Variants in ADGRB1 observed in about 807,000 individuals in gnomAD.
The protein encoded by ADGRB1 is adhesion G protein-coupled receptor B1.
A neutral mutation model predicts 175.7 loss-of-function variants in ADGRB1; 36 were observed. The observed-to-expected ratio is 0.20, with a 90% CI of 0.16 to 0.27. The LOEUF (loss-of-function observed/expected upper bound fraction) is 0.27. Ranked by LOEUF, ADGRB1 falls within the 10% of genes least tolerant of loss-of-function variation. The probability of loss-of-function intolerance (pLI) is 1.00; values close to 1 mark genes in which losing one functional copy is unlikely to be tolerated. For missense variants in ADGRB1, 1,731 were observed against 2,255.3 expected, an observed-to-expected ratio of 0.77 and a Z score of 4.71; for synonymous variants, 1,054 against 979.4, an observed-to-expected ratio of 1.08 and a Z score of -1.42.
At position 142,511,885 on chromosome 8, in the gene ADGRB1, G is replaced by A. The variant is rs969688356; in HGVS notation, c.2817+812G>A. ...ACCAAGTAACCTCCGCCCAGACCTC[G>A]TGTGGAAGCCTGGGAGGCAGCAGGG... On this transcript the variant is annotated intron_variant, in intron 18 of 30. Coordinates refer to ENST00000517894, the MANE Select transcript of ADGRB1 (RefSeq NM_001702.3). The surrounding 1 kb of genome is among the most constrained non-coding windows in gnomAD (Gnocchi z 4.5). Among the ~76,000 whole-genome samples, 2 of 152,362 alleles carry A rather than the reference G, an allele frequency of 1.3e-5. No homozygotes were observed. The highest frequency in any genetic ancestry group is 1.3e-4 in the Admixed American group (2 of 15,312).
chr8:142,475,888 C>G (rs925291101), intron 3 of ADGRB1, among the ~76,000 whole-genome samples: 17 of 11,092 alleles, frequency 1.5e-3, no homozygotes, highest in Non-Finnish European at 4.0e-3. Context: ...AGAAGCAGGA[C>G]CTAAACTCGG....
At chr8:142,516,687 C>T (rs539031770) in intron 18 of ADGRB1, among the ~76,000 whole-genome samples, 13 of 111,704 alleles carry the variant, frequency 1.2e-4, no homozygotes, top group South Asian at 9.4e-4. Context: ...TGCCTGTGTG[C>T]GGGCCCCAGG....
intron 1 of ADGRB1, among the ~76,000 whole-genome samples, chr8:142,457,918 G>A (rs181766911): frequency 1.3e-5 from 2 of 152,320 alleles, no homozygotes; most frequent in Non-Finnish European, 2.9e-5. Flanking sequence ...GCTTGAATGG[G>A]GGCCGTGGGC....
At position 142,511,733 on chromosome 8, in the gene ADGRB1, G is replaced by A. The variant is rs1843116925; in HGVS notation, c.2817+660G>A. Among the ~76,000 whole-genome samples the A allele has an allele frequency of 6.6e-6, 1 of 152,230 alleles. No homozygotes were observed. The highest frequency in any genetic ancestry group is 2.4e-5 in the African/African-American group (1 of 41,458). The stretch of plus-strand genomic sequence containing the variant: ...CTGGGCGCAGCTCCCTGGGGCGGGT[G>A]GGCTCTCTTGCTTTGGGCCGGCCAA... On this transcript the variant is annotated intron_variant, in intron 18 of 30. Transcript: ENST00000517894. The surrounding 1 kb of genome is among the most constrained non-coding windows in gnomAD (Gnocchi z 4.5).
At chr8:142,471,276 C>T (rs745701747) in intron 2 of ADGRB1, among the ~76,000 whole-genome samples, 1 of 152,234 alleles carries the variant, frequency 6.6e-6, no homozygotes, top group African/African-American at 2.4e-5. Flanking sequence ...TCACCTCCTC[C>T]GCTCAGAGCC....
rs1473943547 is a variant in ADGRB1, at chr8:142,493,175, C to T, written c.2675+2360C>T. ...TTGCTTTTTAGAAAGGAAAGCATCC[C>T]CTTTGTCCTCCAGGGCAGCAGGCTG... On this transcript the variant is annotated intron_variant, in intron 17 of 30. Coordinates refer to ENST00000517894, the MANE Select transcript of ADGRB1 (RefSeq NM_001702.3). The surrounding 1 kb of genome is among the most constrained non-coding windows in gnomAD (Gnocchi z 5.0). Among the ~76,000 whole-genome samples the T allele has an allele frequency of 6.6e-6, 1 of 152,002 alleles. No individual in the cohort carries two copies.
At chr8:142,467,112 G>A (rs1433754481) in intron 2 of ADGRB1, among the ~76,000 whole-genome samples, 1 of 152,236 alleles carries the variant, frequency 6.6e-6, no homozygotes, top group Non-Finnish European at 1.5e-5. Context: ...TGACGTGGGT[G>A]TCGGAGGGAG....
chr8:142,521,982 G>A lies in ADGRB1; in HGVS notation c.3042G>A (p.Val1014=), dbSNP rs772838785. The A allele has an allele frequency of 4.4e-6, 7 of 1,599,160 alleles. No homozygotes were observed. The African/African-American group carries it at 5.4e-5, about 12-fold the overall frequency. Residue 1014 remains valine, a synonymous_variant, in exon 21 of 31, where the codon GTG becomes GTA. Transcript: ENST00000517894. ...QTRNKVVCTL[V]AAFLHFFFLS... ...CCACACAGGTGGTGTGCACGCTGGT[G>A]GCCGCCTTCCTGCACTTCTTCTTCC... is the stretch of plus-strand genomic sequence containing the variant.
At position 142,479,388 on chromosome 8, in the gene ADGRB1, C is replaced by A; in HGVS notation, c.1627C>A (p.Gln543Lys). The change falls in exon 8 of 31, where the codon CAG becomes AAG. Residue 543 changes from glutamine to lysine, a missense_variant. Gln to Lys is a moderately conservative substitution (Grantham distance 53). Transcript: ENST00000517894. ...CAGCGTCACGTGTGGGGCTGGCAGC[C>A]AGCGACGGGAGCGTGTCTGCTCTGG... ...SCSVTCGAGS[Q>K]RRERVCSGPF... is the part of the protein sequence containing the mutation. The A allele has an allele frequency of 6.5e-7, 1 of 1,533,442 alleles. No homozygotes were observed. Among genetic ancestry groups the A allele is most frequent in the Non-Finnish European group, 8.7e-7 (1 of 1,144,320 alleles). The allele number at this position is 1,533,442 out of a possible 1,614,324, so 95.0% of individuals were successfully genotyped here. A position where few individuals can be genotyped will look rare whatever the true frequency, so the allele number is the denominator to read the frequency against.
At chr8:142,469,635 A>G (rs576146899) in intron 2 of ADGRB1, among the ~76,000 whole-genome samples, 28 of 99,730 alleles carry the variant, frequency 2.8e-4, no homozygotes, top group Non-Finnish European at 4.0e-4. Context: ...GCATGTGTGT[A>G]TGTGCACGTG....
At chr8:142,515,470 G>A (rs2132071589) in intron 18 of ADGRB1, among the ~76,000 whole-genome samples, 1 of 151,888 alleles carries the variant, frequency 6.6e-6, no homozygotes, top group South Asian at 2.1e-4. Flanking sequence ...CGGGTTTGCG[G>A]CTGCCAGGCC....
At position 142,537,117 on chromosome 8, in the gene ADGRB1, A is replaced by G; in HGVS notation, c.3666+35A>G. 7.1e-7 allele frequency: 1 copy of G among 1,416,372 alleles called. No homozygotes were observed. Among genetic ancestry groups the G allele is most frequent in the Admixed American group, 2.6e-5 (1 of 38,636 alleles). 87.7% of individuals were successfully genotyped at this position (1,416,372 alleles called of 1,614,324 possible). ...AGGGCCCGGGGACTCAGGCTGCCCT[A>G]CCTGCCTCGTACCCCCGCCAAGTGC... On this transcript the variant is annotated intron_variant, in intron 26 of 30. Coordinates refer to ENST00000517894, the MANE Select transcript of ADGRB1 (RefSeq NM_001702.3). The surrounding 1 kb of genome is among the most constrained non-coding windows in gnomAD (Gnocchi z 4.6).
At chr8:142,487,835 C>G (rs889264578) in intron 13 of ADGRB1, among the ~76,000 whole-genome samples, 3 of 152,212 alleles carry the variant, frequency 2.0e-5, no homozygotes, top group African/African-American at 4.8e-5. Context: ...CACTGGATCC[C>G]TTCTTTCACC....
chr8:142,469,152 C>T (rs1035324686), intron 2 of ADGRB1, among the ~76,000 whole-genome samples: 28 of 21,728 alleles, frequency 1.3e-3, no homozygotes, highest in East Asian at 3.5e-3. Flanking sequence ...TGTGTGCATG[C>T]GTGCATGTGT....
At chr8:142,456,081 G>T (rs557409530) in intron 1 of ADGRB1, among the ~76,000 whole-genome samples, 1 of 152,054 alleles carries the variant, frequency 6.6e-6, no homozygotes, top group Non-Finnish European at 1.5e-5. Context: ...TCAGAGCCCC[G>T]GGGAAAAGGA....
chr8:142,507,848 G>A (rs753271660), intron 17 of ADGRB1, among the ~76,000 whole-genome samples: 5 of 152,176 alleles, frequency 3.3e-5, no homozygotes, highest in African/African-American at 7.2e-5. Context: ...AGGGAAAAGC[G>A]GTCTGCAGGA....
chr8:142,454,184 T>A (rs1052348583), intron 1 of ADGRB1, among the ~76,000 whole-genome samples: 8 of 152,082 alleles, frequency 5.3e-5, no homozygotes, highest in African/African-American at 1.9e-4. Context: ...GCCTGTTGAG[T>A]GCCGCTGCCA....
rs1189601464 is a variant in ADGRB1 at position 142,507,368 on chromosome 8, A to C, written c.2676-3564A>C. ...GGCCTGCAGGGTCCCAGTGAACCCC[A>C]CCCCAGGATCCAGGCCCTTACAGAA... On this transcript the variant is annotated intron_variant, in intron 17 of 30. Transcript: ENST00000517894. Among the ~76,000 whole-genome samples, 3 of 152,050 alleles carry C rather than the reference A, an allele frequency of 2.0e-5. No homozygotes were observed. In the East Asian group the frequency reaches 5.8e-4, roughly 29 times the overall value.
chr8:142,538,230 G>T (rs1845053705), intron 26 of ADGRB1, among the ~76,000 whole-genome samples: 1 of 152,236 alleles, frequency 6.6e-6, no homozygotes, highest in South Asian at 2.1e-4. Flanking sequence ...CACGGCTGGT[G>T]CGCGGGAGGT....
Sources: allele counts gnomAD v4.1 joint callset (sites outside exome capture counted in the v4.1 genomes callset), GRCh38; gene constraint gnomAD v4.1.1; non-coding constraint Gnocchi (gnomAD v3.1); transcripts MANE v1.5; gene names NCBI Gene and HGNC (gene_info 2026-07-23, HGNC 2026-07-21).